Variants in EPHA5 observed in about 807,000 individuals in gnomAD.
EPHA5 encodes the protein ephrin type-A receptor 5.
EPHA5 carries 60 observed loss-of-function variants against 105.0 expected under a neutral mutation model. That is an observed-to-expected ratio of 0.57 (90% CI 0.46 to 0.71). EPHA5 has a LOEUF of 0.71. Ranked by LOEUF, EPHA5 falls within the 30% of genes least tolerant of loss-of-function variation. The pLI is 0.00. For synonymous variants in EPHA5, 513 were observed against 449.1 expected, an observed-to-expected ratio of 1.14 and a Z score of -1.80; for missense variants, 1,218 against 1,274.7, an observed-to-expected ratio of 0.96 and a Z score of 0.68.
intron 8 of EPHA5, among the ~76,000 whole-genome samples, chr4:65,393,829 A>T (rs548668706): frequency 6.6e-6 from 1 of 152,274 alleles, no homozygotes; most frequent in Non-Finnish European, 1.5e-5. Context: ...TATAGTGATA[A>T]TTCTGGAAAG....
chr4:65,350,718 C>T (rs995187093), intron 13 of EPHA5, among the ~76,000 whole-genome samples: 5 of 151,998 alleles, frequency 3.3e-5, no homozygotes, highest in Non-Finnish European at 4.4e-5. Context: ...CATATCAATA[C>T]AGCAAGCAAT....
At chr4:65,603,309 G>T (rs1743920783) in intron 2 of EPHA5, among the ~76,000 whole-genome samples, 1 of 140,438 alleles carries the variant, frequency 7.1e-6, no homozygotes, top group Admixed American at 7.6e-5. Context: ...TCATAAAGAA[G>T]TAATTATAAT....
In EPHA5 at chr4:65,548,381, A is replaced by G. The variant is rs188520660; in HGVS notation, c.911-52838T>C. On this transcript the variant is annotated intron_variant, in intron 3 of 16. Transcript: ENST00000613740. ...AGGAGGAAAAAAATTCCAGATCAAA[A>G]TATAGAAAAGGAGAATAATGGAAAA... Among the ~76,000 whole-genome samples the G allele has an allele frequency of 2.5e-3, 385 of 151,144 alleles. 1 individual carries two copies. Among genetic ancestry groups the G allele is most frequent in the African/African-American group, 8.5e-3 (349 of 41,194 alleles).
chr4:65,417,664 T>C (rs1376173217), intron 6 of EPHA5, among the ~76,000 whole-genome samples: 1 of 152,030 alleles, frequency 6.6e-6, no homozygotes, highest in Non-Finnish European at 1.5e-5. Flanking sequence ...TAATGGAATA[T>C]ACAGCATTAA....
intron 8 of EPHA5, among the ~76,000 whole-genome samples, chr4:65,401,801 TG>T (rs142875106): frequency 0.018 from 2,697 of 152,232 alleles, 84 homozygotes; most frequent in East Asian, 0.14. Flanking sequence ...CTATGTGTTT[TG>T]GGTACATACC....
At chr4:65,450,911 G>A (rs1727000340) in intron 5 of EPHA5, among the ~76,000 whole-genome samples, 1 of 152,126 alleles carries the variant, frequency 6.6e-6, no homozygotes, top group South Asian at 2.1e-4. Context: ...GGAAACATGA[G>A]TAGTACTTTG....
At chr4:65,406,764 T>C (rs1281904825) in intron 7 of EPHA5, among the ~76,000 whole-genome samples, 1 of 152,134 alleles carries the variant, frequency 6.6e-6, no homozygotes, top group Non-Finnish European at 1.5e-5. Flanking sequence ...GATTTTATTG[T>C]TACATAAAAA....
intron 2 of EPHA5, among the ~76,000 whole-genome samples, chr4:65,629,099 T>C (rs1039674640): frequency 1.3e-5 from 2 of 152,214 alleles, no homozygotes; most frequent in African/African-American, 4.8e-5. Context: ...ATAATAACAT[T>C]TGGAAGTGTT....
intron 3 of EPHA5, among the ~76,000 whole-genome samples, chr4:65,561,723 A>G (rs1168079254): frequency 6.6e-6 from 1 of 152,140 alleles, no homozygotes; most frequent in Non-Finnish European, 1.5e-5. Flanking sequence ...ACTAAAAGCC[A>G]AATACATATA....
At position 65,402,127 on chromosome 4, in the gene EPHA5, TC is replaced by T. The variant is rs148963529; in HGVS notation, c.1793+2246del. On this transcript the variant is annotated intron_variant, in intron 8 of 16. Coordinates refer to ENST00000613740, the MANE Select transcript of EPHA5 (RefSeq NM_001281766.3). ...ATCTAATGGTTTTTTAAGGGACTCT[TC>T]CCCCTTGGTTCCTCCCCTTTCAGCA... Among the ~76,000 whole-genome samples, 251 of 152,190 alleles carry T rather than the reference TC, an allele frequency of 1.6e-3. 2 individuals carry two copies. Among genetic ancestry groups the T allele is most frequent in the African/African-American group, 5.9e-3 (243 of 41,528 alleles).
chr4:65,449,136 T>C (rs1045231071), intron 5 of EPHA5, among the ~76,000 whole-genome samples: 3 of 152,130 alleles, frequency 2.0e-5, no homozygotes, highest in African/African-American at 4.8e-5. Context: ...CTAGTGAACA[T>C]AAATTTTAAA....
At chr4:65,363,102 A>G (rs567533658) in intron 11 of EPHA5, among the ~76,000 whole-genome samples, 7 of 151,786 alleles carry the variant, frequency 4.6e-5, no homozygotes, top group South Asian at 2.1e-4. Flanking sequence ...TGTACATTTC[A>G]GAGAAAGAGG....
chr4:65,329,520 T>A (rs1720393605), intron 16 of EPHA5, among the ~76,000 whole-genome samples: 1 of 151,488 alleles, frequency 6.6e-6, no homozygotes, highest in Non-Finnish European at 1.5e-5. Flanking sequence ...ATGTAGTTTT[T>A]AAATATGGCA....
chr4:65,532,139 T>C (rs1316600004), intron 3 of EPHA5, among the ~76,000 whole-genome samples: 1 of 152,136 alleles, frequency 6.6e-6, no homozygotes, highest in East Asian at 1.9e-4. Context: ...TAGAAAGCTA[T>C]CAATTTTTCT....
intron 5 of EPHA5, 44 bp downstream of exon 5, chr4:65,490,333 G>C (rs2149211601): frequency 6.4e-6 from 10 of 1,555,984 alleles, no homozygotes; most frequent in Non-Finnish European, 8.8e-6. Context: ...ATAATTGACA[G>C]AACTAGGCCT....
chr4:65,426,096 T>C (rs138613638), intron 5 of EPHA5, among the ~76,000 whole-genome samples: 543 of 152,288 alleles, frequency 3.6e-3, no homozygotes, highest in Non-Finnish European at 5.9e-3. Flanking sequence ...CAGTGTGTTA[T>C]TGTTCATGCT....
chr4:65,620,128 A>G (rs1336416858), intron 2 of EPHA5, among the ~76,000 whole-genome samples: 1 of 147,440 alleles, frequency 6.8e-6, no homozygotes, highest in South Asian at 2.1e-4. Flanking sequence ...ATATATATAT[A>G]TTAAATATAT....
intron 3 of EPHA5, among the ~76,000 whole-genome samples, chr4:65,579,488 A>T (rs190017290): frequency 4.0e-4 from 61 of 151,200 alleles, no homozygotes; most frequent in Non-Finnish European, 7.2e-4. Flanking sequence ...GCAAAATGTG[A>T]GCCTAATTGC....
At chr4:65,527,946 T>C (rs1735398823) in intron 3 of EPHA5, among the ~76,000 whole-genome samples, 1 of 152,172 alleles carries the variant, frequency 6.6e-6, no homozygotes, top group Non-Finnish European at 1.5e-5. Context: ...ATGCAGTATT[T>C]GGTTTTCTGA....
Sources: allele counts gnomAD v4.1 joint callset (sites outside exome capture counted in the v4.1 genomes callset), GRCh38; gene constraint gnomAD v4.1.1; transcripts MANE v1.5; gene names NCBI Gene and HGNC (gene_info 2026-07-23, HGNC 2026-07-21).